The following SUPT16H variants were observed in gnomAD, a reference collection of about 807,000 sequenced individuals.
SUPT16H encodes the protein FACT complex subunit SPT16.
SUPT16H carries 24 observed loss-of-function variants against 136.2 expected under a neutral mutation model. The observed-to-expected ratio is 0.18, with a 90% CI of 0.13 to 0.25. The LOEUF (loss-of-function observed/expected upper bound fraction) is 0.25. Among genes scored for constraint, SUPT16H ranks in the 10% least tolerant of loss-of-function variants. The pLI, the probability that SUPT16H is intolerant of heterozygous loss-of-function variation, is 1.00. For missense variants in SUPT16H, 623 were observed against 1,270.2 expected, an observed-to-expected ratio of 0.49 and a Z score of 7.74; for synonymous variants, 415 against 428.2, an observed-to-expected ratio of 0.97 and a Z score of 0.38.
rs1197532273 is a variant in SUPT16H at position 21,364,919 on chromosome 14, A to C, written c.1141T>G (p.Leu381Val). 3.7e-6 allele frequency: 6 copies of C among 1,614,072 alleles called. No individual in the cohort carries two copies. The highest frequency in any genetic ancestry group is 5.1e-6 in the Non-Finnish European group (6 of 1,180,026). Residue 381 changes from leucine to valine, a missense_variant, in exon 10 of 26, where the codon TTA (leucine) becomes GTA (valine). Physicochemically the swap from Leu to Val is conservative, Grantham distance 32 (BLOSUM62 1). Around this residue, in one of 7 missense-constraint regions of SUPT16H, gnomAD observed 343 missense variants for 525.7 expected, o/e 0.65. Coordinates refer to ENST00000216297, the MANE Select transcript of SUPT16H (RefSeq NM_007192.4). ...TTGTTAGTCAGGTCTGAGAATCCTA[A>C]ATTGATGCTGAAAACCATTCCTAAA... is the stretch of plus-strand genomic sequence containing the variant. Reference protein sequence around the residue: ...LKKGMVFSINLGFSDLTNKEG... With the variant: ...LKKGMVFSINVGFSDLTNKEG...
At chr14:21,380,216 C>T (rs929899313) in intron 1 of SUPT16H, among the ~76,000 whole-genome samples, 3 of 151,060 alleles carry the variant, frequency 2.0e-5, no homozygotes, top group Non-Finnish European at 2.9e-5. Context: ...ATTTTGTTAT[C>T]AGAGACTTGA....
intron 20 of SUPT16H, 110 bp downstream of exon 20, chr14:21,358,205 A>G: frequency 1.2e-6 from 1 of 831,058 alleles, no homozygotes; most frequent in Non-Finnish European, 1.9e-6. Context: ...AAAGATTATT[A>G]GTCATAGGAA....
chr14:21,379,678 A>G (rs1471032911), intron 1 of SUPT16H, among the ~76,000 whole-genome samples: 3 of 151,954 alleles, frequency 2.0e-5, no homozygotes, highest in African/African-American at 7.3e-5. Flanking sequence ...ACACGGTGGA[A>G]CCCTGTCTCC....
At position 21,377,015 on chromosome 14, in the gene SUPT16H, C is replaced by T. The variant is rs532276384; in HGVS notation, c.67-3585G>A. 8.8e-5 allele frequency among the ~76,000 whole-genome samples: 13 copies of T among 148,154 alleles called. No homozygotes were observed. The South Asian group carries it at 1.3e-3, about 15-fold the overall frequency. ...TTGAACCTGGGAGGTTGCAGTAAGC[C>T]GAGATTGCATCACTGCACTCCAGCC... On this transcript the variant is annotated intron_variant, in intron 1 of 25. Transcript: ENST00000216297.
chr14:21,360,874 C>A lies in SUPT16H; in HGVS notation c.2028G>T (p.Met676Ile), dbSNP rs1241398603. 1 of 1,614,138 alleles carries A rather than the reference C, an allele frequency of 6.2e-7. No homozygotes were observed. Among genetic ancestry groups the A allele is most frequent in the Non-Finnish European group, 8.5e-7 (1 of 1,180,024 alleles). ...TGACATGGGCCTCCAGTGAGCCTTG[C>A]ATCCTCTTTTGGGCAATATTTGGGC... is the stretch of plus-strand genomic sequence containing the variant. ...YIRPNIAQKR[M>I]QGSLEAHVNG... The change falls in exon 17 of 26, where the codon ATG becomes ATT. Residue 676 changes from methionine to isoleucine, a missense_variant. Physicochemically the swap from Met to Ile is conservative, Grantham distance 10. This residue lies in a region of SUPT16H where 21 missense variants were observed against 140.3 expected (regional missense o/e 0.15). Transcript: ENST00000216297.
At chr14:21,360,336 A>G (rs1429042514) in intron 18 of SUPT16H, 79 bp downstream of exon 18, 3 of 1,166,866 alleles carry the variant, frequency 2.6e-6, no homozygotes, top group Admixed American at 4.3e-5. Flanking sequence ...CCCTTTCATC[A>G]CTATTTTATA....
chr14:21,383,343 T>C (rs1279756283), intron 1 of SUPT16H: 1 of 443,268 alleles, frequency 2.3e-6, no homozygotes, highest in Non-Finnish European at 4.0e-6. Flanking sequence ...CATGAGGCGG[T>C]TGCGCGTGAG....
At chr14:21,353,455 CA>C (rs772628156) in intron 25 of SUPT16H, 32 bp downstream of exon 25, 1 of 1,598,666 alleles carries the variant, frequency 6.3e-7, no homozygotes, top group Non-Finnish European at 8.5e-7. Flanking sequence ...TGTGCGTAGA[CA>C]AATGAATAAA....
At position 21,354,383 on chromosome 14, in the gene SUPT16H, C is replaced by A. The variant is rs748324185; in HGVS notation, c.2790+28G>T. The A allele has an allele frequency of 2.5e-6, 4 of 1,611,734 alleles. No homozygotes were observed. The South Asian group carries it at 4.4e-5, about 18-fold the overall frequency. On this transcript the variant is annotated intron_variant, in intron 23 of 25. Transcript: ENST00000216297. Reference sequence around the variant, plus strand: ...AAATGATAGCGGGCAACACTGTGTACCAGAAAAGAAACCCCACACTCACGC... The same window carrying A: ...AAATGATAGCGGGCAACACTGTGTAACAGAAAAGAAACCCCACACTCACGC...
chr14:21,372,011 T>C lies in SUPT16H; in HGVS notation c.193A>G (p.Ile65Val), dbSNP rs762651134. ...ATTTTGTCATCACAAAAGACCATGA[T>C]AGTATCAGTTAGTTCATAACCAAAG... ...WLFGYELTDT[I>V]MVFCDDKIIF... The change falls in exon 3 of 26, where the codon ATC (isoleucine) becomes GTC (valine). Residue 65 changes from isoleucine (I) to valine (V), a missense_variant. Coordinates refer to ENST00000216297, the MANE Select transcript of SUPT16H (RefSeq NM_007192.4). The C allele has an allele frequency of 2.5e-6, 4 of 1,613,976 alleles. No individual in the cohort carries two copies. Among genetic ancestry groups the C allele is most frequent in the Non-Finnish European group, 3.4e-6 (4 of 1,180,002 alleles).
chr14:21,358,800 G>GTTTATTTA (rs141570149), intron 19 of SUPT16H, among the ~76,000 whole-genome samples: 1 of 151,906 alleles, frequency 6.6e-6, no homozygotes, highest in African/African-American at 2.4e-5. Flanking sequence ...ATTCAGGGTT[G>GTTTATTTA]TTTATTTATT....
intron 1 of SUPT16H, among the ~76,000 whole-genome samples, chr14:21,374,443 C>G (rs370297051): frequency 3.3e-5 from 5 of 152,240 alleles, no homozygotes; most frequent in African/African-American, 1.2e-4. Context: ...GCAACCATCA[C>G]AATTTTGGAA....
At chr14:21,356,236 T>A (rs12885503) in intron 22 of SUPT16H, among the ~76,000 whole-genome samples, 2 of 144,934 alleles carry the variant, frequency 1.4e-5, no homozygotes, top group South Asian at 2.1e-4. Context: ...GGTGGAGGGA[T>A]GATCTACACA....
rs1440697548 is a variant in SUPT16H, at chr14:21,373,356, G to A, written c.141C>T (p.Ala47=). Residue 47 remains alanine, a synonymous_variant, in exon 2 of 26, where the codon GCC becomes GCT. Coordinates refer to ENST00000216297, the MANE Select transcript of SUPT16H (RefSeq NM_007192.4). The part of the protein sequence containing the change: ...SVGVDEEIVY[A]KSTALQTWLF... ...CTCTCACCTGTAAGGCAGTTGATTT[G>A]GCATAAACAATTTCTTCATCAACAC... is the stretch of plus-strand genomic sequence containing the variant. 1 of 1,613,672 alleles carries A rather than the reference G, an allele frequency of 6.2e-7. No homozygotes were observed. Among genetic ancestry groups the A allele is most frequent in the Non-Finnish European group, 8.5e-7 (1 of 1,179,730 alleles).
chr14:21,377,847 C>T (rs1453605375), intron 1 of SUPT16H, among the ~76,000 whole-genome samples: 2 of 152,164 alleles, frequency 1.3e-5, no homozygotes, highest in African/African-American at 4.8e-5. Context: ...TAGTCTTGAG[C>T]TCCTGGCCTT....
Position 21,360,905 on chromosome 14 carries a change from TA to T in SUPT16H, c.1996del (p.Tyr666ThrfsTer51). On this transcript the variant is annotated frameshift_variant, in exon 17 of 26. Coordinates refer to ENST00000216297, the MANE Select transcript of SUPT16H (RefSeq NM_007192.4). LOFTEE classifies it high-confidence loss of function. ...NRSNPKLKDL[Y>X]IRPNIAQKRM... ...CTTTTGGGCAATATTTGGGCGAATG[TA>T]TAGATCTTTCAGTTTCGGATTACTC... 1 of 1,614,160 alleles carries T rather than the reference TA, an allele frequency of 6.2e-7. No homozygotes were observed. The highest frequency in any genetic ancestry group is 8.5e-7 in the Non-Finnish European group (1 of 1,180,024).
chr14:21,379,361 G>A (rs1190817897), intron 1 of SUPT16H, among the ~76,000 whole-genome samples: 4 of 151,774 alleles, frequency 2.6e-5, no homozygotes, highest in African/African-American at 4.8e-5. Flanking sequence ...GCTTGATCCC[G>A]GGAGGCAGAG....
rs796856473 is a variant in SUPT16H at position 21,353,083 on chromosome 14, T to C, written c.2999-265A>G. ...CCTTTTAAGCTTTAAAACGTTTGTTTGGGGTTTGGCTTCAGAGTAACTAGA... is the reference window on the plus strand; with the variant it reads ...CCTTTTAAGCTTTAAAACGTTTGTTCGGGGTTTGGCTTCAGAGTAACTAGA... On this transcript the variant is annotated intron_variant, in intron 25 of 25. Transcript: ENST00000216297. Among the ~76,000 whole-genome samples, 29 of 152,338 alleles carry C rather than the reference T, an allele frequency of 1.9e-4. 1 individual carries two copies. Among genetic ancestry groups the C allele is most frequent in the African/African-American group, 6.7e-4 (28 of 41,574 alleles).
intron 1 of SUPT16H, among the ~76,000 whole-genome samples, chr14:21,379,262 C>T (rs1286569879): frequency 6.6e-6 from 1 of 151,728 alleles, no homozygotes; most frequent in East Asian, 1.9e-4. Flanking sequence ...ATGGTGAAAC[C>T]CCATCTCTAC....
Sources: gnomAD v4.1 joint callset for allele counts (sites outside exome capture counted in the v4.1 genomes callset) on GRCh38, gnomAD v4.1.1 for gene constraint, gnomAD v4.1.1 regional missense constraint, MANE v1.5 for transcripts, NCBI Gene and HGNC (gene_info 2026-07-23, HGNC 2026-07-21) for gene names.